Variants in DLG2 observed in about 807,000 individuals in gnomAD.
DLG2 encodes discs large MAGUK scaffold protein 2.
In DLG2, 45 loss-of-function variants were observed where a neutral mutation model predicts 132.5. The ratio of observed to expected loss-of-function variants is 0.34; its 90% CI spans 0.27 to 0.44. The LOEUF (loss-of-function observed/expected upper bound fraction) is 0.44. Among genes scored for constraint, DLG2 ranks in the 20% least tolerant of loss-of-function variants. The pLI is 1.00. For synonymous variants in DLG2, 424 were observed against 419.6 expected (o/e 1.01, Z -0.13); for missense variants, 1,045 against 1,196.9 (o/e 0.87, Z 1.87).
intron 6 of DLG2, among the ~76,000 whole-genome samples, chr11:84,595,845 G>A (rs1380707914): frequency 2.0e-5 from 3 of 152,190 alleles, no homozygotes; most frequent in Admixed American, 6.5e-5. Context: ...AAAGCAGGAG[G>A]TATAAGCATT....
At chr11:85,499,805 T>C (rs77003089) in intron 3 of DLG2, among the ~76,000 whole-genome samples, 1 of 152,108 alleles carries the variant, frequency 6.6e-6, no homozygotes, top group African/African-American at 2.4e-5. Context: ...TGCAAATCAA[T>C]AAATGTAATC....
chr11:84,021,551 C>T (rs772374490), intron 11 of DLG2, among the ~76,000 whole-genome samples: 7 of 152,074 alleles, frequency 4.6e-5, no homozygotes, highest in Non-Finnish European at 1.0e-4. Flanking sequence ...CTCTGATATG[C>T]TTGTCAGCAG....
At chr11:85,478,950 C>A (rs568972940) in intron 3 of DLG2, among the ~76,000 whole-genome samples, 1 of 152,014 alleles carries the variant, frequency 6.6e-6, no homozygotes, top group East Asian at 1.9e-4. Flanking sequence ...AAAATGTTAC[C>A]CTTATGGTCT....
chr11:84,729,624 G>A (rs140256435), intron 6 of DLG2, among the ~76,000 whole-genome samples: 1 of 152,120 alleles, frequency 6.6e-6, no homozygotes, highest in East Asian at 1.9e-4. Flanking sequence ...CTATCCCCAA[G>A]TATAGACTAC....
At chr11:85,000,755 C>A (rs2058134600) in intron 6 of DLG2, among the ~76,000 whole-genome samples, 1 of 152,136 alleles carries the variant, frequency 6.6e-6, no homozygotes, top group Admixed American at 6.6e-5. Flanking sequence ...TAGCTCTGCT[C>A]TCCTCTGTGG....
intron 19 of DLG2, chr11:83,631,954 T>C (rs939515540): frequency 6.6e-6 from 1 of 152,212 alleles, no homozygotes; most frequent in Non-Finnish European, 1.5e-5. Flanking sequence ...ATATTTGTAA[T>C]GTCACTACAA....
intron 18 of DLG2, among the ~76,000 whole-genome samples, chr11:83,724,447 ATCTC>A (rs770110501): frequency 1.6e-5 from 2 of 123,720 alleles, no homozygotes; most frequent in Non-Finnish European, 3.3e-5. Context: ...TCCTTAATCA[ATCTC>A]TCTCTCCGTG....
intron 18 of DLG2, among the ~76,000 whole-genome samples, chr11:83,665,299 A>G (rs916844971): frequency 3.3e-5 from 5 of 152,162 alleles, no homozygotes; most frequent in African/African-American, 7.2e-5. Context: ...TTATTCTTCA[A>G]CTATGCATGG....
intron 6 of DLG2, among the ~76,000 whole-genome samples, chr11:84,603,545 T>C (rs186296940): frequency 8.0e-4 from 121 of 151,982 alleles, no homozygotes; most frequent in African/African-American, 2.8e-3. Flanking sequence ...AGAAAAAAGA[T>C]AAAAGACAAT....
intron 3 of DLG2, among the ~76,000 whole-genome samples, chr11:85,361,964 T>A (rs1238253262): frequency 6.6e-6 from 1 of 152,206 alleles, no homozygotes; most frequent in Non-Finnish European, 1.5e-5. Context: ...GTTCTTGTCA[T>A]CTATGATTTA....
chr11:83,553,883 T>A (rs961809948), intron 19 of DLG2, among the ~76,000 whole-genome samples: 10 of 132,014 alleles, frequency 7.6e-5, no homozygotes, highest in Admixed American at 5.1e-4. Flanking sequence ...AATAGCACAA[T>A]CTTTTCTTTT....
chr11:83,455,257 G>A lies in DLG2; in HGVS notation c.*4561C>T, dbSNP rs901814053. Reference sequence around the variant, plus strand: ...TTTACACTTAACAGGAGTGTAAGCTGTGCAGTGTCTCTGTAAACTCCAGCC... The same window carrying A: ...TTTACACTTAACAGGAGTGTAAGCTATGCAGTGTCTCTGTAAACTCCAGCC... On this transcript the variant is annotated 3_prime_UTR_variant, in exon 28 of 28. Coordinates refer to ENST00000376104, the MANE Select transcript of DLG2 (RefSeq NM_001142699.3). The A allele has an allele frequency of 6.6e-6, 1 of 152,604 alleles. No individual in the cohort carries two copies. The highest frequency in any genetic ancestry group is 2.4e-5 in the African/African-American group (1 of 41,432). 9.5% of individuals were successfully genotyped at this position (152,604 alleles called of 1,614,324 possible).
At chr11:84,432,726 T>C (rs2098988370) in intron 7 of DLG2, among the ~76,000 whole-genome samples, 1 of 152,178 alleles carries the variant, frequency 6.6e-6, no homozygotes, top group South Asian at 2.1e-4. Flanking sequence ...TGCTGGTTTT[T>C]AAAAAGTTTT....
chr11:85,607,822 G>C (rs1241246526), intron 2 of DLG2, among the ~76,000 whole-genome samples: 1 of 152,134 alleles, frequency 6.6e-6, no homozygotes, highest in African/African-American at 2.4e-5. Flanking sequence ...TCCAATTCTG[G>C]AGATCCCTCC....
At chr11:85,011,638 G>T (rs886278665) in intron 6 of DLG2, among the ~76,000 whole-genome samples, 1 of 152,124 alleles carries the variant, frequency 6.6e-6, no homozygotes, top group African/African-American at 2.4e-5. Flanking sequence ...AAATAACGCA[G>T]TTGAGTTAAA....
chr11:85,160,867 C>G (rs752863060), intron 4 of DLG2, among the ~76,000 whole-genome samples: 10 of 152,128 alleles, frequency 6.6e-5, no homozygotes, highest in Non-Finnish European at 1.0e-4. Context: ...AGCTGCAGCA[C>G]TACAACCCCT....
At chr11:84,006,657 A>T in intron 11 of DLG2, among the ~76,000 whole-genome samples, 1 of 151,658 alleles carries the variant, frequency 6.6e-6, no homozygotes, top group East Asian at 1.9e-4. Flanking sequence ...AAGATGTAAA[A>T]TATTACGTAT....
intron 3 of DLG2, among the ~76,000 whole-genome samples, chr11:85,555,915 G>A (rs1023964399): frequency 1.3e-5 from 2 of 151,752 alleles, no homozygotes; most frequent in African/African-American, 4.8e-5. Flanking sequence ...ATTTCTCTCT[G>A]CCCTGGGAAG....
At chr11:85,616,454 CT>C (rs1028350668) in intron 2 of DLG2, among the ~76,000 whole-genome samples, 1 of 152,156 alleles carries the variant, frequency 6.6e-6, no homozygotes, top group African/African-American at 2.4e-5. Flanking sequence ...GATATTAAAA[CT>C]TTTTTCTACC....
Sources: gnomAD v4.1 joint callset for allele counts (sites outside exome capture counted in the v4.1 genomes callset) on GRCh38, gnomAD v4.1.1 for gene constraint, MANE v1.5 for transcripts, NCBI Gene and HGNC (gene_info 2026-07-23, HGNC 2026-07-21) for gene names.